DIAPH3: variants seen among roughly 807,000 people sequenced by gnomAD.
DIAPH3 encodes protein diaphanous homolog 3.
DIAPH3 carries 117 observed loss-of-function variants against 144.3 expected under a neutral mutation model. The ratio of observed to expected loss-of-function variants is 0.81; its 90% CI spans 0.70 to 0.95. The LOEUF (loss-of-function observed/expected upper bound fraction) is 0.95. Among genes scored for constraint, DIAPH3 ranks in the 40% least tolerant of loss-of-function variants. DIAPH3 has a pLI of 0.00. For missense variants in DIAPH3, 1,421 were observed against 1,412.7 expected (o/e 1.01, Z -0.09); for synonymous variants, 519 against 488.9 (o/e 1.06, Z -0.81).
At chr13:59,889,148 G>A (rs571552167) in intron 20 of DIAPH3, among the ~76,000 whole-genome samples, 6 of 151,794 alleles carry the variant, frequency 4.0e-5, no homozygotes, top group Non-Finnish European at 8.8e-5. Flanking sequence ...CTAAGTTTAT[G>A]TTTTTCACTG....
intron 27 of DIAPH3, among the ~76,000 whole-genome samples, chr13:59,718,103 T>G (rs1190745449): frequency 2.7e-5 from 4 of 149,876 alleles, no homozygotes; most frequent in Non-Finnish European, 5.9e-5. Context: ...CTCTCATGGT[T>G]GGAATTGTTA....
chr13:60,163,472 C>CA, intron 1 of DIAPH3, 115 bp downstream of exon 1: 2 of 1,403,924 alleles, frequency 1.4e-6, no homozygotes, highest in Middle Eastern at 2.4e-4. Context: ...TGATCTTTGG[C>CA]ACCTCTGGAT....
intron 9 of DIAPH3, among the ~76,000 whole-genome samples, chr13:60,007,587 T>A (rs1379101991): frequency 2.6e-5 from 4 of 152,180 alleles, no homozygotes; most frequent in African/African-American, 9.7e-5. Context: ...GAGGATCATT[T>A]TAAATTTCCC....
At chr13:60,162,437 G>A (rs925546623) in intron 1 of DIAPH3, among the ~76,000 whole-genome samples, 2 of 152,084 alleles carry the variant, frequency 1.3e-5, no homozygotes, top group East Asian at 3.9e-4. Flanking sequence ...ATCTTTCATT[G>A]GGAAGTTAAC....
At chr13:60,066,237 TAATC>T (rs562897807) in intron 4 of DIAPH3, among the ~76,000 whole-genome samples, 235 of 152,238 alleles carry the variant, frequency 1.5e-3, no homozygotes, top group Admixed American at 3.9e-3. Context: ...TTTTTAATAA[TAATC>T]AATACAACAA....
chr13:59,766,566 C>A (rs1490134197), intron 27 of DIAPH3, among the ~76,000 whole-genome samples: 1 of 152,158 alleles, frequency 6.6e-6, no homozygotes, highest in Non-Finnish European at 1.5e-5. Context: ...AGGTGCTCTG[C>A]ACCTATGCTT....
rs147303627 is a variant in DIAPH3, at chr13:59,686,139, T to C, written c.3320-19293A>G. Reference sequence around the variant, plus strand: ...TAAGCAAATAAAATTACATTGAAAATAATGTTATAAATATTTGTTAGTGGA... The same window carrying C: ...TAAGCAAATAAAATTACATTGAAAACAATGTTATAAATATTTGTTAGTGGA... On this transcript the variant is annotated intron_variant, in intron 27 of 27. Transcript: ENST00000400324. Among the ~76,000 whole-genome samples the C allele has an allele frequency of 1.6e-3, 242 of 152,186 alleles. 2 individuals carry two copies. Among genetic ancestry groups the C allele is most frequent in the African/African-American group, 5.7e-3 (235 of 41,532 alleles).
chr13:59,697,459 CAAAAAAAAAAAAAAAAAAAAAA>C (rs58372882), intron 27 of DIAPH3, among the ~76,000 whole-genome samples: 1 of 31,164 alleles, frequency 3.2e-5, no homozygotes, highest in African/African-American at 1.2e-4. Flanking sequence ...GACACTGTCT[CAAAAAAAAAAAAAAAAAAAAAA>C]AAAAAAAAAA....
intron 8 of DIAPH3, among the ~76,000 whole-genome samples, chr13:60,010,049 C>T (rs774853080): frequency 4.6e-5 from 7 of 152,080 alleles, no homozygotes; most frequent in Non-Finnish European, 7.4e-5. Flanking sequence ...GTGCTTTATG[C>T]TCAAGGACTT....
intron 22 of DIAPH3, among the ~76,000 whole-genome samples, chr13:59,860,733 A>G (rs946739281): frequency 4.6e-5 from 7 of 152,048 alleles, no homozygotes; most frequent in African/African-American, 1.7e-4. Context: ...GCGAGACTCC[A>G]TCTCAAAAAA....
chr13:59,821,924 CA>C (rs1486287392), intron 24 of DIAPH3, among the ~76,000 whole-genome samples: 1 of 152,122 alleles, frequency 6.6e-6, no homozygotes. Flanking sequence ...TAGAATATCC[CA>C]AAGGATGTGC....
chr13:60,144,040 T>C lies in DIAPH3; in HGVS notation c.181-11051A>G, dbSNP rs1004525854. Reference sequence around the variant, plus strand: ...TACAATTCCCTTGGGTCACCGATAATGGTTTGTCTTGCAGTTTGTGTTTAT... The same window carrying C: ...TACAATTCCCTTGGGTCACCGATAACGGTTTGTCTTGCAGTTTGTGTTTAT... On this transcript the variant is annotated intron_variant, in intron 1 of 27. Coordinates refer to ENST00000400324, the MANE Select transcript of DIAPH3 (RefSeq NM_001042517.2). 2.0e-5 allele frequency among the ~76,000 whole-genome samples: 3 copies of C among 152,214 alleles called. No individual in the cohort carries two copies. In the South Asian group the frequency reaches 6.2e-4, roughly 31 times the overall value.
intron 27 of DIAPH3, among the ~76,000 whole-genome samples, chr13:59,680,149 A>G (rs1260733545): frequency 6.6e-6 from 1 of 152,220 alleles, no homozygotes; most frequent in Non-Finnish European, 1.5e-5. Context: ...CTGTCAATTT[A>G]AACCCCAAAA....
chr13:59,972,622 A>C (rs543687512), intron 15 of DIAPH3, among the ~76,000 whole-genome samples: 1 of 152,328 alleles, frequency 6.6e-6, no homozygotes, highest in South Asian at 2.1e-4. Flanking sequence ...AGTATAAAGA[A>C]GAACCAGTTC....
intron 9 of DIAPH3, among the ~76,000 whole-genome samples, chr13:60,002,187 T>C (rs919820055): frequency 6.6e-6 from 1 of 152,198 alleles, no homozygotes; most frequent in Non-Finnish European, 1.5e-5. Flanking sequence ...ATGGGATTTG[T>C]TCAGCTGACT....
At chr13:59,896,661 A>G (rs1460121562) in intron 20 of DIAPH3, among the ~76,000 whole-genome samples, 2 of 151,942 alleles carry the variant, frequency 1.3e-5, no homozygotes, top group Non-Finnish European at 2.9e-5. Flanking sequence ...ATTATACACA[A>G]CTCGTTGATT....
Position 60,111,575 on chromosome 13 carries a change from T to C in DIAPH3, c.390+435A>G, listed in dbSNP as rs192366152. Among the ~76,000 whole-genome samples the C allele has an allele frequency of 4.1e-3, 617 of 152,286 alleles. 3 individuals are homozygous for C. Among genetic ancestry groups the C allele is most frequent in the Admixed American group, 4.4e-3 (67 of 15,300 alleles). On this transcript the variant is annotated intron_variant, in intron 3 of 27. Transcript: ENST00000400324. ...CATTCTCAAAGGAGCACAAACTCCA[T>C]GGTGAACTGTGCACGCTTCTTATGA... is the stretch of plus-strand genomic sequence containing the variant.
chr13:60,018,916 A>G (rs993284274), intron 5 of DIAPH3, among the ~76,000 whole-genome samples: 1 of 152,194 alleles, frequency 6.6e-6, no homozygotes, highest in African/African-American at 2.4e-5. Flanking sequence ...TAAAAATTAA[A>G]TATGCATAAA....
At chr13:59,810,454 C>CA (rs752998614) in intron 25 of DIAPH3, among the ~76,000 whole-genome samples, 1 of 152,114 alleles carries the variant, frequency 6.6e-6, no homozygotes, top group Non-Finnish European at 1.5e-5. Flanking sequence ...TAGAATTTTC[C>CA]ACAGTCCATT....
Sources: allele counts gnomAD v4.1 joint callset (sites outside exome capture counted in the v4.1 genomes callset), GRCh38; gene constraint gnomAD v4.1.1; transcripts MANE v1.5; gene names NCBI Gene and HGNC (gene_info 2026-07-23, HGNC 2026-07-21).